Variants in KCNH3 observed in about 807,000 individuals in gnomAD.
The protein encoded by KCNH3 is voltage-gated inwardly rectifying potassium channel KCNH3.
Under a neutral mutation model 95.6 loss-of-function variants are expected in KCNH3, and 36 were observed. The observed-to-expected ratio is 0.38, with a 90% CI of 0.29 to 0.50. The LOEUF is 0.50. Among genes scored for constraint, KCNH3 ranks in the 20% least tolerant of loss-of-function variants. KCNH3 has a pLI of 0.95. For missense variants in KCNH3, 1,030 were observed against 1,484.1 expected, an observed-to-expected ratio of 0.69 and a Z score of 5.03; for synonymous variants, 620 against 646.3, an observed-to-expected ratio of 0.96 and a Z score of 0.62.
At position 49,557,621 on chromosome 12, in the gene KCNH3, C is replaced by A; in HGVS notation, c.2920C>A (p.Pro974Thr). 4 of 1,613,488 alleles carry A rather than the reference C, an allele frequency of 2.5e-6. No individual in the cohort carries two copies. The highest frequency in any genetic ancestry group is 1.7e-5 in the Admixed American group (1 of 60,020). ...TCCGGGGCCTCCTCCCCTCATGGCA[C>A]CCTGGCCCTGGGGTCCCCCAGCGTC... Reference protein sequence around the residue: ...PRPGPPPLMAPWPWGPPASQS... With the variant: ...PRPGPPPLMATWPWGPPASQS... Residue 974 changes from proline to threonine, a missense_variant, in exon 15 of 15, where the codon CCC becomes ACC. Pro to Thr is a conservative substitution (Grantham distance 38, BLOSUM62 -1). This residue lies in a region of KCNH3 where 464 missense variants were observed against 493.2 expected (regional missense o/e 0.94). Transcript: ENST00000257981.
chr12:49,551,674 G>A (rs1938268169), intron 10 of KCNH3, among the ~76,000 whole-genome samples: 1 of 151,976 alleles, frequency 6.6e-6, no homozygotes, highest in Non-Finnish European at 1.5e-5. Flanking sequence ...CGGGGAACAT[G>A]TGACCGGTGT....
At chr12:49,549,689 T>G (rs1439913530) in intron 9 of KCNH3, 49 bp downstream of exon 9, 3 of 1,533,936 alleles carry the variant, frequency 2.0e-6, no homozygotes, top group Admixed American at 3.6e-5. Context: ...CTCAGGGGGT[T>G]TGCAATAGCC....
At chr12:49,551,190 C>A (rs534427634) in intron 10 of KCNH3, among the ~76,000 whole-genome samples, 2 of 152,254 alleles carry the variant, frequency 1.3e-5, no homozygotes, top group Admixed American at 1.3e-4. Flanking sequence ...AGGGAGGAAG[C>A]CATCGTTAGG....
chr12:49,539,278 T>G lies in KCNH3; in HGVS notation c.-139T>G. 1 of 333,256 alleles carries G rather than the reference T, an allele frequency of 3.0e-6. No homozygotes were observed. The highest frequency in any genetic ancestry group is 5.1e-6 in the Non-Finnish European group (1 of 197,924). The allele number at this position is 333,256 out of a possible 1,614,324, so 20.6% of individuals were successfully genotyped here. On this transcript the variant is annotated 5_prime_UTR_variant, in exon 1 of 15. Transcript: ENST00000257981. The surrounding 1 kb of genome is among the most constrained non-coding windows in gnomAD (Gnocchi z 6.7). Reference sequence around the variant, plus strand: ...CGCCAGCGTCCGGCGCGACCCCGGATCCCGGTCTGCGCATTGCCCCCCGAC... The same window carrying G: ...CGCCAGCGTCCGGCGCGACCCCGGAGCCCGGTCTGCGCATTGCCCCCCGAC...
chr12:49,556,311 T>C, intron 12 of KCNH3, 59 bp from the exon 13 acceptor site: 1 of 1,279,498 alleles, frequency 7.8e-7, no homozygotes. Context: ...TCCCGTCCCG[T>C]ATGACCCCAC....
chr12:49,549,756 TTC>T (rs1328474549), intron 9 of KCNH3, 116 bp downstream of exon 9: 1 of 1,022,116 alleles, frequency 9.8e-7, no homozygotes, highest in African/African-American at 1.6e-5. Flanking sequence ...TGTGCCTCCC[TTC>T]TCTCTTGAGG....
chr12:49,549,783 G>A lies in KCNH3; in HGVS notation c.1668+143G>A, dbSNP rs911022556. On this transcript the variant is annotated intron_variant, in intron 9 of 14. Transcript: ENST00000257981. ...CTCTCTTGAGGGGACAGCGGCATGG[G>A]ACAGAGGGCAGCTAAGAAGGCTTGG... 1.2e-5 allele frequency: 10 copies of A among 851,668 alleles called. No individual in the cohort carries two copies. The Admixed American group carries it at 1.9e-4, about 17-fold the overall frequency. The allele number at this position is 851,668 out of a possible 1,614,324, so 52.8% of individuals were successfully genotyped here.
intron 11 of KCNH3, 85 bp downstream of exon 11, chr12:49,554,639 C>A: frequency 8.1e-7 from 1 of 1,229,874 alleles, no homozygotes; most frequent in Non-Finnish European, 1.2e-6. Context: ...TGGTGGAGAG[C>A]TGTGTGTGAA....
Position 49,541,878 on chromosome 12 carries a change from C to T in KCNH3, c.445+114C>T. 2.6e-6 allele frequency: 3 copies of T among 1,138,698 alleles called. 1 individual carries two copies. The South Asian group carries it at 4.4e-5, about 17-fold the overall frequency. 70.5% of individuals were successfully genotyped at this position (1,138,698 alleles called of 1,614,324 possible). A position where few individuals can be genotyped will look rare whatever the true frequency, so the allele number is the denominator to read the frequency against. On this transcript the variant is annotated intron_variant, in intron 3 of 14. Coordinates refer to ENST00000257981, the MANE Select transcript of KCNH3 (RefSeq NM_012284.3). ...CATGCACCTGCATTCATTTCACTCC[C>T]ACTCAGGCTGCCTGAGAGGCCTGTG...
chr12:49,548,980 G>A lies in KCNH3; in HGVS notation c.1275G>A (p.Gln425=). ...RRPAGGNSSG[Q]SDNCSSSSEA... ...CAGCTGGAGGGAACAGCTCCGGCCA[G>A]AGTGACAACTGCAGCAGCAGCAGCG... is the stretch of plus-strand genomic sequence containing the variant. The change falls in exon 8 of 15, where the codon CAG becomes CAA. Residue 425 remains glutamine, a synonymous_variant. Coordinates refer to ENST00000257981, the MANE Select transcript of KCNH3 (RefSeq NM_012284.3). 1 of 1,610,796 alleles carries A rather than the reference G, an allele frequency of 6.2e-7. No homozygotes were observed. Among genetic ancestry groups the A allele is most frequent in the Non-Finnish European group, 8.5e-7 (1 of 1,179,108 alleles).
rs1464469779 is a variant in KCNH3 at position 49,539,282 on chromosome 12, G to C, written c.-135G>C. The C allele has an allele frequency of 1.7e-5, 6 of 353,452 alleles. No homozygotes were observed. The highest frequency in any genetic ancestry group is 1.0e-4 in the Admixed American group (2 of 19,396). 21.9% of individuals were successfully genotyped at this position (353,452 alleles called of 1,614,324 possible). On this transcript the variant is annotated 5_prime_UTR_variant, in exon 1 of 15. Coordinates refer to ENST00000257981, the MANE Select transcript of KCNH3 (RefSeq NM_012284.3). This position sits in a 1 kb window ranked among gnomAD's most constrained non-coding sequence, Gnocchi z 6.7. ...AGCGTCCGGCGCGACCCCGGATCCC[G>C]GTCTGCGCATTGCCCCCCGACGGCT...
chr12:49,555,807 C>T lies in KCNH3; in HGVS notation c.2324C>T (p.Pro775Leu), dbSNP rs1938420153. The T allele has an allele frequency of 6.2e-7, 1 of 1,613,588 alleles. No homozygotes were observed. The change falls in exon 12 of 15, where the codon CCC (proline) becomes CTC (leucine). Residue 775 changes from proline (P) to leucine (L), a missense_variant. Physicochemically the swap from Pro to Leu is moderately conservative, Grantham distance 98 (BLOSUM62 -3). This residue lies in a region of KCNH3 where 464 missense variants were observed against 493.2 expected (regional missense o/e 0.94). Transcript: ENST00000257981. ...AKLLSPRRTAPRPRLGGRGRP... is the reference protein window; with the variant it reads ...AKLLSPRRTALRPRLGGRGRP... ...CTGCTATCCCCACGTCGAACAGCAC[C>T]CCGGCCTCGTCTAGGTGGCAGAGGG...
chr12:49,557,630 T>G lies in KCNH3; in HGVS notation c.2929T>G (p.Trp977Gly). The G allele has an allele frequency of 6.2e-7, 1 of 1,613,448 alleles. No individual in the cohort carries two copies. The highest frequency in any genetic ancestry group is 8.5e-7 in the Non-Finnish European group (1 of 1,179,902). The stretch of plus-strand genomic sequence containing the variant: ...TCCTCCCCTCATGGCACCCTGGCCC[T>G]GGGGTCCCCCAGCGTCTCAGAGCTC... Reference protein sequence around the residue: ...GPPPLMAPWPWGPPASQSSPW... With the variant: ...GPPPLMAPWPGGPPASQSSPW... The change falls in exon 15 of 15, where the codon TGG becomes GGG. Residue 977 changes from tryptophan (W) to glycine (G), a missense_variant. Physicochemically the swap from Trp to Gly is radical, Grantham distance 184. Transcript: ENST00000257981.
intron 11 of KCNH3, among the ~76,000 whole-genome samples, chr12:49,555,343 A>C (rs1381206126): frequency 2.0e-5 from 3 of 150,642 alleles, no homozygotes; most frequent in African/African-American, 7.3e-5. Context: ...TCCCAGCTAC[A>C]GGCTGAGGCA....
In KCNH3 at chr12:49,544,264, C is replaced by A. The variant is rs539396867; in HGVS notation, c.1071C>A (p.Ala357=). 2 of 1,608,338 alleles carry A rather than the reference C, an allele frequency of 1.2e-6. No individual in the cohort carries two copies. The highest frequency in any genetic ancestry group is 8.5e-7 in the Non-Finnish European group (1 of 1,178,652). Residue 357 remains alanine, a synonymous_variant, in exon 7 of 15, where the codon GCC becomes GCA. Transcript: ENST00000257981. ...TGGACCGGTACTCGCAGTACAGCGC[C>A]GTGGTGCTGACACTGCTCATGGCCG... ...PRLDRYSQYS[A]VVLTLLMAVF...
chr12:49,554,389 G>A lies in KCNH3; in HGVS notation c.1971G>A (p.Lys657=), dbSNP rs1938361768. The A allele has an allele frequency of 1.2e-6, 2 of 1,613,198 alleles. No homozygotes were observed. ...TGCCCCGGCGGGAGCAGGTGGTAAA[G>A]GCCAATGCCGACGTGAAGGGGCTGA... ...CELPRREQVV[K]ANADVKGLTY... Residue 657 remains lysine (K), a synonymous_variant, in exon 11 of 15, where the codon AAG becomes AAA. Coordinates refer to ENST00000257981, the MANE Select transcript of KCNH3 (RefSeq NM_012284.3).
At position 49,543,473 on chromosome 12, in the gene KCNH3, C is replaced by A; in HGVS notation, c.778C>A (p.Pro260Thr). 1 of 1,601,082 alleles carries A rather than the reference C, an allele frequency of 6.2e-7. No homozygotes were observed. The highest frequency in any genetic ancestry group is 8.5e-7 in the Non-Finnish European group (1 of 1,179,232). ...ACGGGAGCCCAGTGCCGCCCGCGGC[C>A]CGCCCAGCGTCTGTGACCTGGCCGT... ...TAREPSAARG[P>T]PSVCDLAVEV... The change falls in exon 5 of 15, where the codon CCG (proline) becomes ACG (threonine). Residue 260 changes from proline to threonine, a missense_variant. Physicochemically the swap from Pro to Thr is conservative, Grantham distance 38. This residue lies in a region of KCNH3 where 153 missense variants were observed against 288.5 expected (regional missense o/e 0.53). Coordinates refer to ENST00000257981, the MANE Select transcript of KCNH3 (RefSeq NM_012284.3).
intron 10 of KCNH3, among the ~76,000 whole-genome samples, chr12:49,553,328 T>C (rs1157475642): frequency 6.6e-6 from 1 of 152,118 alleles, no homozygotes; most frequent in Non-Finnish European, 1.5e-5. Flanking sequence ...GTTGTTGTTG[T>C]TTGAGACAGG....
chr12:49,548,965 G>A lies in KCNH3; in HGVS notation c.1260G>A (p.Gly420=). 1 of 1,609,338 alleles carries A rather than the reference G, an allele frequency of 6.2e-7. No individual in the cohort carries two copies. The highest frequency in any genetic ancestry group is 1.1e-5 in the South Asian group (1 of 90,718). Residue 420 remains glycine (G), a synonymous_variant, in exon 8 of 15, where the codon GGG becomes GGA. Transcript: ENST00000257981. Reference sequence around the variant, plus strand: ...TGGTGGGCCGGAGGCCAGCTGGAGGGAACAGCTCCGGCCAGAGTGACAACT... The same window carrying A: ...TGGTGGGCCGGAGGCCAGCTGGAGGAAACAGCTCCGGCCAGAGTGACAACT... ...YYLVGRRPAG[G]NSSGQSDNCS... is the part of the protein sequence containing the mutation.
Sources: gnomAD v4.1 joint callset for allele counts (sites outside exome capture counted in the v4.1 genomes callset) on GRCh38, gnomAD v4.1.1 for gene constraint, gnomAD v4.1.1 regional missense constraint, Gnocchi (gnomAD v3.1) non-coding constraint, MANE v1.5 for transcripts, NCBI Gene and HGNC (gene_info 2026-07-23, HGNC 2026-07-21) for gene names.